Variants in SLC41A2 observed in about 807,000 individuals in gnomAD.
SLC41A2 encodes the protein SLC41A1-like 1.
SLC41A2 carries 32 observed loss-of-function variants against 58.3 expected under a neutral mutation model. The observed-to-expected ratio is 0.55, with a 90% CI of 0.41 to 0.74. SLC41A2 has a LOEUF of 0.74. Ranked by LOEUF, SLC41A2 falls within the 30% of genes least tolerant of loss-of-function variation. The pLI, the probability that SLC41A2 is intolerant of heterozygous loss-of-function variation, is 0.00. For synonymous variants in SLC41A2, 190 were observed against 235.0 expected (o/e 0.81, Z 1.75); for missense variants, 514 against 680.6 (o/e 0.76, Z 2.72).
chr12:104,859,737 T>G (rs2043137743), intron 8 of SLC41A2, among the ~76,000 whole-genome samples: 1 of 152,114 alleles, frequency 6.6e-6, no homozygotes, highest in Admixed American at 6.5e-5. Flanking sequence ...TATATACATA[T>G]ATACATTTTT....
At chr12:104,918,160 A>G (rs1219775390) in intron 2 of SLC41A2, among the ~76,000 whole-genome samples, 1 of 152,016 alleles carries the variant, frequency 6.6e-6, no homozygotes, top group Non-Finnish European at 1.5e-5. Flanking sequence ...TTTTGCTAAG[A>G]GTATAAGGAC....
At chr12:104,941,870 A>G (rs1377902826) in intron 1 of SLC41A2, among the ~76,000 whole-genome samples, 2 of 152,228 alleles carry the variant, frequency 1.3e-5, no homozygotes, top group Non-Finnish European at 2.9e-5. Flanking sequence ...CCAGAACTTA[A>G]AGTAAAATTA....
intron 10 of SLC41A2, among the ~76,000 whole-genome samples, chr12:104,815,987 G>T (rs2041385775): frequency 6.6e-6 from 1 of 151,956 alleles, no homozygotes; most frequent in Non-Finnish European, 1.5e-5. Context: ...TTCCTCCTGG[G>T]TACTATGGTG....
chr12:104,946,107 T>G (rs7309240), intron 1 of SLC41A2, among the ~76,000 whole-genome samples: 44,617 of 152,118 alleles, frequency 0.29, 7,176 homozygotes, highest in South Asian at 0.5. Flanking sequence ...TGCTCAAACA[T>G]GCTTCGACTG....
At chr12:104,862,922 A>G (rs2043262813) in intron 7 of SLC41A2, among the ~76,000 whole-genome samples, 1 of 152,236 alleles carries the variant, frequency 6.6e-6, no homozygotes, top group South Asian at 2.1e-4. Flanking sequence ...GGCAATTTTG[A>G]TGAATACAAT....
chr12:104,850,600 C>T (rs995470623), intron 8 of SLC41A2, among the ~76,000 whole-genome samples: 2 of 152,156 alleles, frequency 1.3e-5, no homozygotes, highest in African/African-American at 2.4e-5. Flanking sequence ...GCATGAGCTT[C>T]CCCCCTTCTA....
At chr12:104,895,739 G>A (rs568624396) in intron 3 of SLC41A2, among the ~76,000 whole-genome samples, 1 of 152,116 alleles carries the variant, frequency 6.6e-6, no homozygotes, top group African/African-American at 2.4e-5. Flanking sequence ...TAAAACTAAT[G>A]TAACTTAAAG....
At chr12:104,912,078 A>C (rs940522811) in intron 2 of SLC41A2, among the ~76,000 whole-genome samples, 3 of 152,172 alleles carry the variant, frequency 2.0e-5, no homozygotes, top group Non-Finnish European at 2.9e-5. Flanking sequence ...CAACAAACCT[A>C]AGAGATAGGT....
At chr12:104,924,637 G>A (rs933332454) in intron 2 of SLC41A2, among the ~76,000 whole-genome samples, 11 of 152,000 alleles carry the variant, frequency 7.2e-5, no homozygotes, top group East Asian at 3.9e-4. Flanking sequence ...CCAGCTACTC[G>A]GGAGGCTGAG....
intron 3 of SLC41A2, among the ~76,000 whole-genome samples, chr12:104,905,970 T>C (rs1417075273): frequency 1.3e-5 from 2 of 152,064 alleles, no homozygotes; most frequent in Non-Finnish European, 2.9e-5. Context: ...CACAGTGCAG[T>C]GGGGGGACTG....
chr12:104,850,968 C>T (rs891294596), intron 8 of SLC41A2, among the ~76,000 whole-genome samples: 1 of 152,188 alleles, frequency 6.6e-6, no homozygotes. Context: ...GTGGCTCAAA[C>T]TATGTGGGTT....
chr12:104,830,613 A>T (rs1565822444), intron 10 of SLC41A2, among the ~76,000 whole-genome samples: 1 of 152,192 alleles, frequency 6.6e-6, no homozygotes, highest in Non-Finnish European at 1.5e-5. Context: ...CTTGGAAAGT[A>T]GGGGAGATGA....
intron 6 of SLC41A2, among the ~76,000 whole-genome samples, chr12:104,882,044 G>C (rs2044398574): frequency 6.6e-6 from 1 of 152,090 alleles, no homozygotes; most frequent in African/African-American, 2.4e-5. Flanking sequence ...TCTTCTTGTT[G>C]AATTGATCCC....
intron 10 of SLC41A2, among the ~76,000 whole-genome samples, chr12:104,834,603 C>T (rs914822727): frequency 6.6e-6 from 1 of 151,840 alleles, no homozygotes; most frequent in South Asian, 2.1e-4. Context: ...ATTAAGTAAC[C>T]TGTTTAAATC....
At chr12:104,875,776 G>A (rs184231122) in intron 6 of SLC41A2, among the ~76,000 whole-genome samples, 3 of 152,126 alleles carry the variant, frequency 2.0e-5, no homozygotes, top group Non-Finnish European at 4.4e-5. Context: ...TTGGGTAACA[G>A]AGCAAGACCC....
intron 3 of SLC41A2, among the ~76,000 whole-genome samples, chr12:104,909,145 T>A (rs896046826): frequency 1.3e-5 from 2 of 152,224 alleles, no homozygotes; most frequent in African/African-American, 4.8e-5. Context: ...GAATACACAG[T>A]ATGCATTTAC....
intron 3 of SLC41A2, among the ~76,000 whole-genome samples, chr12:104,904,066 C>A (rs144865263): frequency 2.0e-5 from 3 of 152,312 alleles, no homozygotes; most frequent in Non-Finnish European, 4.4e-5. Flanking sequence ...AATTAAACAG[C>A]AAATATCATT....
At chr12:104,944,986 C>T (rs969471966) in intron 1 of SLC41A2, among the ~76,000 whole-genome samples, 2 of 151,178 alleles carry the variant, frequency 1.3e-5, no homozygotes, top group Non-Finnish European at 1.5e-5. Flanking sequence ...GCCTGGCCAA[C>T]ATGGTGAAAC....
Position 104,928,029 on chromosome 12 carries a change from A to G in SLC41A2, c.499T>C (p.Phe167Leu). Residue 167 changes from phenylalanine to leucine, a missense_variant, in exon 2 of 11, where the codon TTT (phenylalanine) becomes CTT (leucine). Transcript: ENST00000258538. Reference sequence around the variant, plus strand: ...ACTGTTCCAAAACCAGCTAGCAAAAAGGGCACAAGTATTTGCAATGCCATG... The same window carrying G: ...ACTGTTCCAAAACCAGCTAGCAAAAGGGGCACAAGTATTTGCAATGCCATG... ...GIMALQILVP[F>L]LLAGFGTVSA... is the part of the protein sequence containing the mutation. The G allele has an allele frequency of 6.2e-7, 1 of 1,613,848 alleles. No individual in the cohort carries two copies. Among genetic ancestry groups the G allele is most frequent in the East Asian group, 2.2e-5 (1 of 44,888 alleles).
Sources: allele counts gnomAD v4.1 joint callset (sites outside exome capture counted in the v4.1 genomes callset), GRCh38; gene constraint gnomAD v4.1.1; transcripts MANE v1.5; gene names NCBI Gene and HGNC (gene_info 2026-07-23, HGNC 2026-07-21).